Variants in CCKAR observed in about 807,000 individuals in gnomAD.
CCKAR encodes cholecystokinin receptor type A.
A neutral mutation model predicts 29.8 loss-of-function variants in CCKAR; 21 were observed. The ratio of observed to expected loss-of-function variants is 0.70; its 90% CI spans 0.50 to 1.01. The LOEUF is 1.01. Among genes scored for constraint, CCKAR ranks in the 50% least tolerant of loss-of-function variants. CCKAR has a pLI of 0.00. For synonymous variants in CCKAR, 238 were observed against 221.3 expected, an observed-to-expected ratio of 1.08 and a Z score of -0.67; for missense variants, 570 against 560.6, an observed-to-expected ratio of 1.02 and a Z score of -0.17.
In CCKAR at chr4:26,483,147, G is replaced by T. The variant is rs201328804; in HGVS notation, c.754+9C>A. 1.9e-5 allele frequency: 31 copies of T among 1,612,908 alleles called. No homozygotes were observed. Among genetic ancestry groups the T allele is most frequent in the Non-Finnish European group, 2.5e-5 (29 of 1,179,656 alleles). On this transcript the variant is annotated intron_variant, in intron 4 of 4. Transcript: ENST00000295589. ...ATTTGGCATAAACACACAGCTACAA[G>T]ATAGTTACCTTTAGCAGACTTCTTC...
chr4:26,481,616 C>T lies in CCKAR; in HGVS notation c.*22G>A, dbSNP rs368869290. The T allele has an allele frequency of 2.1e-5, 34 of 1,612,674 alleles. No homozygotes were observed. In the African/African-American group the frequency reaches 2.8e-4, roughly 13 times the overall value. On this transcript the variant is annotated 3_prime_UTR_variant, in exon 5 of 5. Coordinates refer to ENST00000295589, the MANE Select transcript of CCKAR (RefSeq NM_000730.3). The stretch of plus-strand genomic sequence containing the variant: ...CTGCCTCCTCCCTGCCTTCCTTCTG[C>T]GGTGGAGGGTCAGGGGACATCTCAC...
chr4:26,481,879 C>G lies in CCKAR; in HGVS notation c.1046G>C (p.Gly349Ala), dbSNP rs749162133. 1.2e-6 allele frequency: 2 copies of G among 1,614,170 alleles called. No homozygotes were observed. Among genetic ancestry groups the G allele is most frequent in the Non-Finnish European group, 1.7e-6 (2 of 1,180,022 alleles). ...GAGGAGGATGAAGGAAATGGGGGTT[C>G]CTGAGAGGCGGCGCTCTGCGGAGGC... ...DTASAERRLS[G>A]TPISFILLLS... Residue 349 changes from glycine (G) to alanine (A), a missense_variant, in exon 5 of 5, where the codon GGA becomes GCA. Physicochemically the swap from Gly to Ala is moderately conservative, Grantham distance 60 (BLOSUM62 0). Coordinates refer to ENST00000295589, the MANE Select transcript of CCKAR (RefSeq NM_000730.3).
chr4:26,484,875 C>CTTTTTTTTTTTTTTTTTTTTTTT (rs1737415937), intron 3 of CCKAR, among the ~76,000 whole-genome samples: 1 of 150,546 alleles, frequency 6.6e-6, no homozygotes, highest in African/African-American at 2.5e-5. Flanking sequence ...GACCCAATCT[C>CTTTTTTTTTTTTTTTTTTTTTTT]TATTTTAAAG....
In CCKAR at chr4:26,483,146, A is replaced by G; in HGVS notation, c.754+10T>C. 6.2e-7 allele frequency: 1 copy of G among 1,613,104 alleles called. No homozygotes were observed. Among genetic ancestry groups the G allele is most frequent in the Non-Finnish European group, 8.5e-7 (1 of 1,179,668 alleles). On this transcript the variant is annotated intron_variant, in intron 4 of 4. Transcript: ENST00000295589. ...CATTTGGCATAAACACACAGCTACAAGATAGTTACCTTTAGCAGACTTCTT... is the reference window on the plus strand; with the variant it reads ...CATTTGGCATAAACACACAGCTACAGGATAGTTACCTTTAGCAGACTTCTT...
In CCKAR at chr4:26,489,586, G is replaced by A. The variant is rs148568912; in HGVS notation, c.113-102C>T. 399 of 1,369,646 alleles carry A rather than the reference G, an allele frequency of 2.9e-4. 2 individuals carry two copies. In the African/African-American group the frequency reaches 5.1e-3, roughly 17 times the overall value. The allele number at this position is 1,369,646 out of a possible 1,614,324, so 84.8% of individuals were successfully genotyped here. On this transcript the variant is annotated intron_variant, in intron 1 of 4. Transcript: ENST00000295589. ...ATTCCTGCCGATTTTCCCCCCACCG[G>A]GGTGTACATCACTGGACCCACGATT...
intron 4 of CCKAR, 45 bp downstream of exon 4, chr4:26,483,111 C>A: frequency 1.3e-6 from 2 of 1,594,186 alleles, no homozygotes; most frequent in Non-Finnish European, 1.7e-6. Flanking sequence ...AGAAAACAAG[C>A]TTTTGTGCTC....
chr4:26,483,435 G>T (rs1737390468), intron 3 of CCKAR, 152 bp from the exon 4 acceptor site: 1 of 639,822 alleles, frequency 1.6e-6, no homozygotes, highest in Non-Finnish European at 2.5e-6. Context: ...CATGTCTGGA[G>T]ATTCAGTCAT....
In CCKAR at chr4:26,481,834, CAGG is replaced by C; in HGVS notation, c.1088_1090del (p.Ser363del). ...GAAGCAGTAGATGATGGGGTTGACG[CAGG>C]AGGAGGTGTAGGACAGGAGGAGGAT... On this transcript the variant is annotated inframe_deletion, in exon 5 of 5. Coordinates refer to ENST00000295589, the MANE Select transcript of CCKAR (RefSeq NM_000730.3). 6.2e-7 allele frequency: 1 copy of C among 1,613,604 alleles called. No individual in the cohort carries two copies. Among genetic ancestry groups the C allele is most frequent in the South Asian group, 1.1e-5 (1 of 91,004 alleles).
chr4:26,486,373 G>T lies in CCKAR; in HGVS notation c.365-475C>A, dbSNP rs73810955. On this transcript the variant is annotated intron_variant, in intron 2 of 4. Transcript: ENST00000295589. The stretch of plus-strand genomic sequence containing the variant: ...TGTGATGTGAGCCGGAGGCATGAAG[G>T]TTTTTTCTAAAAATTTTGAGTACAT... 6.7e-3 allele frequency among the ~76,000 whole-genome samples: 1,019 copies of T among 152,230 alleles called. 12 individuals are homozygous for T. The highest frequency in any genetic ancestry group is 0.024 in the African/African-American group (981 of 41,530).
intron 4 of CCKAR, 115 bp from the exon 5 acceptor site, chr4:26,482,285 G>A (rs1472724577): frequency 1.9e-5 from 18 of 939,986 alleles, no homozygotes; most frequent in Non-Finnish European, 2.9e-5. Context: ...CTGAGAAATG[G>A]CAGACAACCT....
chr4:26,483,335 C>A (rs1737388908), intron 3 of CCKAR, 52 bp from the exon 4 acceptor site: 1 of 1,583,492 alleles, frequency 6.3e-7, no homozygotes, highest in South Asian at 1.1e-5. Context: ...CCTTCAAACT[C>A]AAATGGGAAG....
intron 2 of CCKAR, among the ~76,000 whole-genome samples, chr4:26,486,788 C>T (rs1262236773): frequency 6.6e-6 from 1 of 152,104 alleles, no homozygotes; most frequent in Non-Finnish European, 1.5e-5. Context: ...GCTGCACGTG[C>T]CTGTAATCCC....
rs779122552 is a variant in CCKAR at position 26,485,685 on chromosome 4, G to T, written c.578C>A (p.Ala193Glu). The change falls in exon 3 of 5, where the codon GCG becomes GAG. Residue 193 changes from alanine (A) to glutamate (E), a missense_variant. By Grantham distance (107) the Ala-to-Glu change is moderately radical (BLOSUM62 -1). Transcript: ENST00000295589. ...TGGCAGTAGAAAGCGGCACATATTCGCGGTCTGGTTGTTATTTTTGGTAAA... is the reference window on the plus strand; with the variant it reads ...TGGCAGTAGAAAGCGGCACATATTCTCGGTCTGGTTGTTATTTTTGGTAAA... The part of the protein sequence containing the change: ...VPFTKNNNQT[A>E]NMCRFLLPND... The T allele has an allele frequency of 6.2e-7, 1 of 1,613,964 alleles. No individual in the cohort carries two copies. The highest frequency in any genetic ancestry group is 1.3e-5 in the African/African-American group (1 of 74,878).
Position 26,482,143 on chromosome 4 carries a change from C to T in CCKAR, c.782G>A (p.Gly261Asp). 2 of 1,611,508 alleles carry T rather than the reference C, an allele frequency of 1.2e-6. No individual in the cohort carries two copies. Among genetic ancestry groups the T allele is most frequent in the Non-Finnish European group, 1.7e-6 (2 of 1,177,962 alleles). ...ACACCCATCGCTGTCCTCATATTTG[C>T]CGCTGCTGGTGGTGCTAGGTTTCCT... ...KERKPSTTSS[G>D]KYEDSDGCYL... The change falls in exon 5 of 5, where the codon GGC becomes GAC. Residue 261 changes from glycine to aspartate, a missense_variant. Physicochemically the swap from Gly to Asp is moderately conservative, Grantham distance 94 (BLOSUM62 -1). Coordinates refer to ENST00000295589, the MANE Select transcript of CCKAR (RefSeq NM_000730.3).
chr4:26,489,344 C>CA lies in CCKAR; in HGVS notation c.252dup (p.Val85CysfsTer47). ...AAGAGACAGAGCATGAGGTCGCTGA[C>CA]AGCCAGGGAGAGGAGGAAGATGTTG... is the stretch of plus-strand genomic sequence containing the variant. On this transcript the variant is annotated frameshift_variant, in exon 2 of 5. Coordinates refer to ENST00000295589, the MANE Select transcript of CCKAR (RefSeq NM_000730.3). LOFTEE classifies it high-confidence loss of function. 6.2e-7 allele frequency: 1 copy of CA among 1,614,172 alleles called. No homozygotes were observed. The highest frequency in any genetic ancestry group is 8.5e-7 in the Non-Finnish European group (1 of 1,180,042).
At chr4:26,485,534 G>C in intron 3 of CCKAR, 103 bp downstream of exon 3, 2 of 1,272,730 alleles carry the variant, frequency 1.6e-6, no homozygotes, top group South Asian at 2.7e-5. Flanking sequence ...AACGTCTCCA[G>C]GAAACTGATC....
chr4:26,487,813 T>C (rs888406370), intron 2 of CCKAR, among the ~76,000 whole-genome samples: 1 of 152,230 alleles, frequency 6.6e-6, no homozygotes, highest in African/African-American at 2.4e-5. Flanking sequence ...GGTTCCCAAA[T>C]AGTATTACCA....
intron 2 of CCKAR, among the ~76,000 whole-genome samples, chr4:26,487,435 A>C (rs2725307): frequency 0.31 from 47,430 of 151,948 alleles, 8,725 homozygotes; most frequent in East Asian, 0.56. Context: ...CGGCCCAAAA[A>C]TCTCTAAGAC....
rs1737534021 is a variant in CCKAR, at chr4:26,490,331, C to T, written c.-64G>A. Reference sequence around the variant, plus strand: ...TGAATTGCTCACTCCCGGCTCATTCCTCTAATGACCGAAGCGTCTCGCAGA... The same window carrying T: ...TGAATTGCTCACTCCCGGCTCATTCTTCTAATGACCGAAGCGTCTCGCAGA... On this transcript the variant is annotated 5_prime_UTR_variant, in exon 1 of 5. Transcript: ENST00000295589. 9.2e-7 allele frequency: 1 copy of T among 1,089,654 alleles called. No homozygotes were observed. The highest frequency in any genetic ancestry group is 1.4e-6 in the Non-Finnish European group (1 of 709,968). 67.5% of individuals were successfully genotyped at this position (1,089,654 alleles called of 1,614,324 possible). A position where few individuals can be genotyped will look rare whatever the true frequency, so the allele number is the denominator to read the frequency against.
Sources: gnomAD v4.1 joint callset for allele counts (sites outside exome capture counted in the v4.1 genomes callset) on GRCh38, gnomAD v4.1.1 for gene constraint, MANE v1.5 for transcripts, NCBI Gene and HGNC (gene_info 2026-07-23, HGNC 2026-07-21) for gene names.